FAM174B: variants seen among roughly 807,000 people sequenced by gnomAD.
FAM174B encodes the protein membrane protein FAM174B.
In FAM174B, 12 loss-of-function variants were observed where a neutral mutation model predicts 10.9. That is an observed-to-expected ratio of 1.10 (90% CI 0.71 to 1.79). FAM174B has a LOEUF of 1.79. Among genes scored for constraint, FAM174B ranks in the 40% most tolerant of loss-of-function variants. The probability of loss-of-function intolerance (pLI) is 0.00; values close to 1 mark genes in which losing one functional copy is unlikely to be tolerated. For missense variants in FAM174B, 266 were observed against 233.3 expected, an observed-to-expected ratio of 1.14 and a Z score of -0.91; for synonymous variants, 132 against 115.8, an observed-to-expected ratio of 1.14 and a Z score of -0.90.
chr15:92,630,923 G>A (rs1225619645), intron 1 of FAM174B, among the ~76,000 whole-genome samples: 1,764 of 27,578 alleles, frequency 0.064, 328 homozygotes, highest in Non-Finnish European at 0.13. Flanking sequence ...TATATATTAC[G>A]TATTACATAT....
Position 92,617,881 on chromosome 15 carries a change from GGCAATACCATGCGTGCTGGGCCGGCTGC to G in FAM174B, c.*1547_*1574del, listed in dbSNP as rs1289333235. ...GACTACACGCAGGCCCCCCGTGGCT[GGCAATACCATGCGTGCTGGGCCGGCTGC>G]GCCACCCTCACCCAGGGCTTCCCAC... On this transcript the variant is annotated 3_prime_UTR_variant, in exon 3 of 3. Transcript: ENST00000327355. 2.0e-5 allele frequency: 9 copies of G among 455,888 alleles called. No individual in the cohort carries two copies. The Admixed American group carries it at 3.9e-4, about 20-fold the overall frequency. 28.2% of individuals were successfully genotyped at this position (455,888 alleles called of 1,614,324 possible). A position where few individuals can be genotyped will look rare whatever the true frequency, so the allele number is the denominator to read the frequency against.
intron 1 of FAM174B, among the ~76,000 whole-genome samples, chr15:92,646,432 G>A (rs2050927976): frequency 6.6e-6 from 1 of 152,186 alleles, no homozygotes; most frequent in Non-Finnish European, 1.5e-5. Flanking sequence ...TCTCATCTGT[G>A]AAATGGGGAT....
intron 2 of FAM174B, among the ~76,000 whole-genome samples, chr15:92,621,877 G>C (rs2050721868): frequency 6.6e-6 from 1 of 152,140 alleles, no homozygotes; most frequent in Non-Finnish European, 1.5e-5. Flanking sequence ...TTCCTACCAG[G>C]TCTGATTCCA....
At chr15:92,633,336 C>T (rs2050831814) in intron 1 of FAM174B, among the ~76,000 whole-genome samples, 1 of 152,190 alleles carries the variant, frequency 6.6e-6, no homozygotes, top group Non-Finnish European at 1.5e-5. Flanking sequence ...TTGGTCTTCT[C>T]TTAACTGATA....
intron 1 of FAM174B, among the ~76,000 whole-genome samples, chr15:92,636,764 C>T (rs921562428): frequency 6.6e-6 from 1 of 152,326 alleles, no homozygotes; most frequent in Non-Finnish European, 1.5e-5. Context: ...TGAGTCATCC[C>T]TGGTATGCCC....
At chr15:92,630,811 T>TACGTG (rs1454050572) in intron 1 of FAM174B, among the ~76,000 whole-genome samples, 3 of 29,986 alleles carry the variant, frequency 1.0e-4, no homozygotes, top group African/African-American at 1.3e-4. Context: ...TTATATATAT[T>TACGTG]TTATATATTA....
chr15:92,632,617 C>T (rs1321315786), intron 1 of FAM174B, among the ~76,000 whole-genome samples: 1 of 152,148 alleles, frequency 6.6e-6, no homozygotes, highest in Non-Finnish European at 1.5e-5. Flanking sequence ...TTAAGCAATC[C>T]TTTCGCCTCA....
intron 1 of FAM174B, among the ~76,000 whole-genome samples, chr15:92,643,191 C>T (rs2141961401): frequency 6.6e-6 from 1 of 151,816 alleles, no homozygotes; most frequent in East Asian, 1.9e-4. Flanking sequence ...CTGGTCCAAA[C>T]TCCTGGCATC....
chr15:92,626,486 T>C (rs1039244084), intron 2 of FAM174B, among the ~76,000 whole-genome samples: 1 of 152,144 alleles, frequency 6.6e-6, no homozygotes, highest in African/African-American at 2.4e-5. Context: ...TTAAGAGACA[T>C]CAAAGTCATG....
chr15:92,641,850 G>T (rs71412557), intron 1 of FAM174B, among the ~76,000 whole-genome samples: 1,540 of 152,218 alleles, frequency 0.01, 13 homozygotes, highest in Non-Finnish European at 0.014. Flanking sequence ...GTGCTTCAAA[G>T]AATATAATCA....
intron 1 of FAM174B, 22 bp downstream of exon 1, chr15:92,655,294 G>A (rs2050994595): frequency 7.9e-6 from 12 of 1,518,610 alleles, no homozygotes; most frequent in Non-Finnish European, 1.1e-5. Context: ...GGCGGGGGAA[G>A]GAAGAGGGCG....
intron 1 of FAM174B, among the ~76,000 whole-genome samples, chr15:92,641,058 C>G (rs1392064463): frequency 6.9e-6 from 1 of 145,458 alleles, no homozygotes; most frequent in East Asian, 2.1e-4. Context: ...ATAACACAGG[C>G]AGTTCACACA....
intron 1 of FAM174B, among the ~76,000 whole-genome samples, chr15:92,648,528 G>A (rs868515628): frequency 6.6e-6 from 1 of 152,132 alleles, no homozygotes; most frequent in Non-Finnish European, 1.5e-5. Context: ...GGTCCAAAAA[G>A]GGCCAAGCTG....
rs1224800326 is a variant in FAM174B at position 92,631,400 on chromosome 15, T to TAATATATAATATATTA, written c.345-1056_345-1055insTAATATATTATATATT. On this transcript the variant is annotated intron_variant, in intron 1 of 2. Transcript: ENST00000327355. ...AATATATTATATATTATATATTATA[T>TAATATATAATATATTA]TATATTATATATAATATATAATATA... 5.4e-4 allele frequency among the ~76,000 whole-genome samples: 17 copies of TAATATATAATATATTA among 31,436 alleles called. 3 individuals are homozygous for TAATATATAATATATTA. The highest frequency in any genetic ancestry group is 3.3e-3 in the African/African-American group (17 of 5,100). The allele number at this position is 31,436 out of a possible 152,430, so 20.6% of individuals were successfully genotyped here. A position where few individuals can be genotyped will look rare whatever the true frequency, so the allele number is the denominator to read the frequency against.
At chr15:92,652,746 C>CT (rs1179731940) in intron 1 of FAM174B, among the ~76,000 whole-genome samples, 1 of 152,152 alleles carries the variant, frequency 6.6e-6, no homozygotes, top group Non-Finnish European at 1.5e-5. Context: ...GTGAGACAGT[C>CT]TCTTGGAGAC....
rs1491397015 is a variant in FAM174B, at chr15:92,631,254, TAA to T, written c.345-911_345-910del. 5.8e-4 allele frequency among the ~76,000 whole-genome samples: 7 copies of T among 12,082 alleles called. 1 individual carries two copies. Among genetic ancestry groups the T allele is most frequent in the African/African-American group, 1.9e-3 (7 of 3,672 alleles). 7.9% of individuals were successfully genotyped at this position (12,082 alleles called of 152,430 possible). ...AATATATTATATATTATATTATATA[TAA>T]TATATTATATATTATATTATATATA... On this transcript the variant is annotated intron_variant, in intron 1 of 2. Coordinates refer to ENST00000327355, the MANE Select transcript of FAM174B (RefSeq NM_207446.3).
At chr15:92,636,685 T>C (rs2050858167) in intron 1 of FAM174B, among the ~76,000 whole-genome samples, 1 of 152,154 alleles carries the variant, frequency 6.6e-6, no homozygotes, top group Non-Finnish European at 1.5e-5. Context: ...TCACAGGGCA[T>C]AGTGAGCACA....
Position 92,631,431 on chromosome 15 carries a change from TAA to T in FAM174B, c.345-1088_345-1087del, listed in dbSNP as rs1491405889. Reference sequence around the variant, plus strand: ...TATATATAATATATAATATATAATATAATATATTATATATATAACATAATATA... The same window carrying T: ...TATATATAATATATAATATATAATATTATATTATATATATAACATAATATA... On this transcript the variant is annotated intron_variant, in intron 1 of 2. Transcript: ENST00000327355. Among the ~76,000 whole-genome samples the T allele has an allele frequency of 1.4e-3, 62 of 44,870 alleles. 9 individuals are homozygous for T. The highest frequency in any genetic ancestry group is 5.8e-3 in the African/African-American group (54 of 9,288). The allele number at this position is 44,870 out of a possible 152,430, so 29.4% of individuals were successfully genotyped here. A position where few individuals can be genotyped will look rare whatever the true frequency, so the allele number is the denominator to read the frequency against.
At chr15:92,655,215 A>AG (rs770296182) in intron 1 of FAM174B, 101 bp downstream of exon 1, 92 of 1,411,146 alleles carry the variant, frequency 6.5e-5, no homozygotes, top group Non-Finnish European at 7.7e-5. Flanking sequence ...GGGGCGCACC[A>AG]GGGCACCTGT....
Sources: allele counts gnomAD v4.1 joint callset (sites outside exome capture counted in the v4.1 genomes callset), GRCh38; gene constraint gnomAD v4.1.1; transcripts MANE v1.5; gene names NCBI Gene and HGNC (gene_info 2026-07-23, HGNC 2026-07-21).